AFAP1: variants seen among roughly 807,000 people sequenced by gnomAD.
AFAP1 encodes actin filament associated protein 1, also known as actin filament-associated protein 1.
AFAP1 carries 75 observed loss-of-function variants against 93.9 expected under a neutral mutation model. That is an observed-to-expected ratio of 0.80 (90% CI 0.66 to 0.97). The LOEUF is 0.97. Ranked by LOEUF, AFAP1 falls within the 50% of genes least tolerant of loss-of-function variation. The pLI, the probability that AFAP1 is intolerant of heterozygous loss-of-function variation, is 0.00. For synonymous variants in AFAP1, 517 were observed against 430.7 expected (o/e 1.20, Z -2.48); for missense variants, 1,201 against 1,050.8 (o/e 1.14, Z -1.98).
In AFAP1 at chr4:7,868,722, G is replaced by C. The variant is rs776704292; in HGVS notation, c.128-3C>G. 2 of 1,612,882 alleles carry C rather than the reference G, an allele frequency of 1.2e-6. No individual in the cohort carries two copies. Among genetic ancestry groups the C allele is most frequent in the Non-Finnish European group, 1.7e-6 (2 of 1,179,758 alleles). On this transcript the variant is annotated splice_region_variant and splice_polypyrimidine_tract_variant and intron_variant, in intron 2 of 17. Transcript: ENST00000420658. ...AGCATGGTCCTTCACATCAAAACCT[G>C]TAAGAATTAACCAGAACCACAGAAC...
intron 1 of AFAP1, among the ~76,000 whole-genome samples, chr4:7,894,973 T>C (rs1453236593): frequency 2.0e-5 from 3 of 152,182 alleles, no homozygotes; most frequent in African/African-American, 7.2e-5. Context: ...TGCATGTGGG[T>C]ACAGACGGAG....
At chr4:7,865,589 G>A (rs1350249608) in intron 3 of AFAP1, among the ~76,000 whole-genome samples, 2 of 152,214 alleles carry the variant, frequency 1.3e-5, no homozygotes, top group African/African-American at 4.8e-5. Flanking sequence ...GAGACAAGGA[G>A]AGAGGACGAG....
In AFAP1 at chr4:7,872,570, G is replaced by A. The variant is rs1191170732; in HGVS notation, c.-2-490C>T. Among the ~76,000 whole-genome samples the A allele has an allele frequency of 5.3e-5, 8 of 152,340 alleles. No individual in the cohort carries two copies. The East Asian group carries it at 9.6e-4, about 18-fold the overall frequency. On this transcript the variant is annotated intron_variant, in intron 1 of 17. Coordinates refer to ENST00000420658, the MANE Select transcript of AFAP1 (RefSeq NM_001134647.2). ...GTTAGCACAAAGGAGGCCAGATGCCGAGGCTGGTGTAAATACAAGTTCAGG... is the reference window on the plus strand; with the variant it reads ...GTTAGCACAAAGGAGGCCAGATGCCAAGGCTGGTGTAAATACAAGTTCAGG...
chr4:7,906,200 T>C (rs769152147), intron 1 of AFAP1, among the ~76,000 whole-genome samples: 1 of 152,218 alleles, frequency 6.6e-6, no homozygotes, highest in East Asian at 1.9e-4. Context: ...GAGCCTCTAC[T>C]CCCAGCTCTG....
intron 6 of AFAP1, among the ~76,000 whole-genome samples, chr4:7,824,504 A>T (rs999202509): frequency 3.9e-5 from 6 of 152,338 alleles, no homozygotes; most frequent in Non-Finnish European, 5.9e-5. Context: ...CAGAGAGCAG[A>T]AACAAATTTG....
rs144938901 is a variant in AFAP1 at position 7,867,293 on chromosome 4, T to C, written c.225+1329A>G. Among the ~76,000 whole-genome samples, 12 of 152,278 alleles carry C rather than the reference T, an allele frequency of 7.9e-5. No individual in the cohort carries two copies. The East Asian group carries it at 2.1e-3, about 27-fold the overall frequency. On this transcript the variant is annotated intron_variant, in intron 3 of 17. Transcript: ENST00000420658. ...GGGATTAGAGTGCAGGACTTAAATATATCCTAAGCACTTGAGATATATTTG... is the reference window on the plus strand; with the variant it reads ...GGGATTAGAGTGCAGGACTTAAATACATCCTAAGCACTTGAGATATATTTG...
chr4:7,808,285 C>A (rs1719706276), intron 9 of AFAP1, among the ~76,000 whole-genome samples: 1 of 152,344 alleles, frequency 6.6e-6, no homozygotes, highest in Middle Eastern at 3.4e-3. Flanking sequence ...GAAACTCTCA[C>A]CCATGTCTTC....
intron 6 of AFAP1, among the ~76,000 whole-genome samples, chr4:7,838,147 G>T (rs905440900): frequency 2.6e-5 from 4 of 152,132 alleles, no homozygotes; most frequent in African/African-American, 7.2e-5. Context: ...TAAGAAAATG[G>T]CTGAAAAAAT....
At chr4:7,892,859 G>A (rs1718550651) in intron 1 of AFAP1, among the ~76,000 whole-genome samples, 1 of 152,224 alleles carries the variant, frequency 6.6e-6, no homozygotes, top group Admixed American at 6.5e-5. Context: ...AGCGGGGTGG[G>A]GGATCCTATA....
intron 17 of AFAP1, among the ~76,000 whole-genome samples, chr4:7,766,881 T>C (rs1346189745): frequency 6.6e-6 from 1 of 151,892 alleles, no homozygotes; most frequent in Non-Finnish European, 1.5e-5. Context: ...TCCAGAACCC[T>C]CTCTTGCGCT....
intron 5 of AFAP1, among the ~76,000 whole-genome samples, chr4:7,841,561 G>A (rs1031859652): frequency 3.9e-5 from 6 of 152,226 alleles, no homozygotes; most frequent in Admixed American, 3.9e-4. Context: ...GGAACATTTA[G>A]GGGAAGAACA....
At chr4:7,928,539 C>A (rs958264891) in intron 1 of AFAP1, among the ~76,000 whole-genome samples, 12 of 152,094 alleles carry the variant, frequency 7.9e-5, no homozygotes, top group Middle Eastern at 3.2e-3. Flanking sequence ...AGGCACGCAC[C>A]ACCACACCCA....
intron 1 of AFAP1, among the ~76,000 whole-genome samples, chr4:7,927,874 C>A (rs1168743237): frequency 6.6e-6 from 1 of 152,150 alleles, no homozygotes; most frequent in African/African-American, 2.4e-5. Context: ...GCCCCAAACA[C>A]ATAGCAGAAC....
intron 1 of AFAP1, among the ~76,000 whole-genome samples, chr4:7,925,674 C>T (rs953570827): frequency 6.6e-6 from 1 of 152,112 alleles, no homozygotes; most frequent in Admixed American, 6.6e-5. Context: ...AGGAAAACTC[C>T]GTCCCTACTA....
At chr4:7,864,483 T>C (rs1716189289) in intron 3 of AFAP1, among the ~76,000 whole-genome samples, 1 of 152,116 alleles carries the variant, frequency 6.6e-6, no homozygotes, top group African/African-American at 2.4e-5. Context: ...AATCCCAAAT[T>C]CACTAAAAAA....
intron 5 of AFAP1, among the ~76,000 whole-genome samples, chr4:7,839,618 A>G (rs1029798110): frequency 5.9e-5 from 9 of 152,150 alleles, no homozygotes; most frequent in Admixed American, 2.6e-4. Context: ...AATGTATAAT[A>G]TACAAAGCTG....
rs531556934 is a variant in AFAP1 at position 7,815,629 on chromosome 4, T to G, written c.904+389A>C. On this transcript the variant is annotated intron_variant, in intron 8 of 17. Transcript: ENST00000420658. ...TGAATGGGAAAGTGGGTTTCTTGCCTCATTATCCAAAGTGCTTTTCACTGG... is the reference window on the plus strand; with the variant it reads ...TGAATGGGAAAGTGGGTTTCTTGCCGCATTATCCAAAGTGCTTTTCACTGG... Among the ~76,000 whole-genome samples, 384 of 152,272 alleles carry G rather than the reference T, an allele frequency of 2.5e-3. 1 individual carries two copies. Among genetic ancestry groups the G allele is most frequent in the African/African-American group, 8.9e-3 (371 of 41,560 alleles).
At chr4:7,840,155 G>A (rs977373167) in intron 5 of AFAP1, among the ~76,000 whole-genome samples, 1 of 152,124 alleles carries the variant, frequency 6.6e-6, no homozygotes, top group East Asian at 1.9e-4. Flanking sequence ...AATTGTGCAC[G>A]TGCAGAGCCT....
At chr4:7,804,698 G>T (rs1719350035) in intron 9 of AFAP1, among the ~76,000 whole-genome samples, 1 of 152,204 alleles carries the variant, frequency 6.6e-6, no homozygotes, top group Non-Finnish European at 1.5e-5. Context: ...ATTCTCTTTA[G>T]GAAGGGAAAT....
Sources: gnomAD v4.1 joint callset for allele counts (sites outside exome capture counted in the v4.1 genomes callset) on GRCh38, gnomAD v4.1.1 for gene constraint, MANE v1.5 for transcripts, NCBI Gene and HGNC (gene_info 2026-07-23, HGNC 2026-07-21) for gene names.